Variants in ABI1 observed in about 807,000 individuals in gnomAD.
ABI1 encodes abl interactor 1.
A neutral mutation model predicts 54.6 loss-of-function variants in ABI1; 14 were observed. That is an observed-to-expected ratio of 0.26 (90% CI 0.17 to 0.40). The LOEUF is 0.40. Among genes scored for constraint, ABI1 ranks in the 10% least tolerant of loss-of-function variants. The pLI, the probability that ABI1 is intolerant of heterozygous loss-of-function variation, is 1.00. For synonymous variants in ABI1, 194 were observed against 209.3 expected, an observed-to-expected ratio of 0.93 and a Z score of 0.63; for missense variants, 443 against 598.3, an observed-to-expected ratio of 0.74 and a Z score of 2.71.
At chr10:26,751,529 T>A (rs753243560) in intron 10 of ABI1, 69 bp downstream of exon 10, 32 of 1,468,142 alleles carry the variant, frequency 2.2e-5, no homozygotes, top group Middle Eastern at 2.2e-4. Context: ...GGATTAGATG[T>A]TCTTTATAGT....
chr10:26,750,123 A>G (rs1214428792), intron 10 of ABI1, among the ~76,000 whole-genome samples: 1 of 152,262 alleles, frequency 6.6e-6, no homozygotes, highest in African/African-American at 2.4e-5. Flanking sequence ...CGTAAGTAAC[A>G]ACAGCTCTCT....
chr10:26,853,887 A>G (rs911119388), intron 1 of ABI1, among the ~76,000 whole-genome samples: 9 of 152,108 alleles, frequency 5.9e-5, no homozygotes, highest in Non-Finnish European at 8.8e-5. Context: ...GGTTTTATAG[A>G]TTTATATCTG....
intron 1 of ABI1, among the ~76,000 whole-genome samples, chr10:26,843,332 T>C (rs1263439102): frequency 6.7e-6 from 1 of 150,338 alleles, no homozygotes; most frequent in East Asian, 2.0e-4. Context: ...CATGCACCTG[T>C]AGTCCCAGAT....
intron 2 of ABI1, among the ~76,000 whole-genome samples, chr10:26,788,739 C>T (rs1170667132): frequency 6.6e-6 from 1 of 151,824 alleles, no homozygotes; most frequent in Non-Finnish European, 1.5e-5. Context: ...AGTGAAACCC[C>T]GTCTCTACTA....
At chr10:26,769,040 T>C (rs373580799) in intron 5 of ABI1, 48 bp from the exon 6 acceptor site, 52 of 1,431,620 alleles carry the variant, frequency 3.6e-5, no homozygotes, top group African/African-American at 7.3e-5. Flanking sequence ...AAAGATAAAA[T>C]TGTATTTTTC....
chr10:26,805,619 G>A (rs535356075), intron 2 of ABI1, among the ~76,000 whole-genome samples: 70 of 152,248 alleles, frequency 4.6e-4, no homozygotes, highest in African/African-American at 1.7e-3. Flanking sequence ...TCTCCAAAAA[G>A]CATATTGAAC....
At chr10:26,814,888 T>C (rs981348109) in intron 2 of ABI1, among the ~76,000 whole-genome samples, 1 of 152,202 alleles carries the variant, frequency 6.6e-6, no homozygotes, top group African/African-American at 2.4e-5. Flanking sequence ...GAATTGGAGA[T>C]GATTTTTGTT....
At chr10:26,765,381 A>G (rs2132649409) in intron 6 of ABI1, 63 bp from the exon 7 acceptor site, 1 of 1,212,476 alleles carries the variant, frequency 8.2e-7, no homozygotes, top group East Asian at 2.5e-5. Flanking sequence ...AAAAAACTGT[A>G]ATCACCCAAG....
chr10:26,773,215 C>CTTTTTTTTTTTTTTTTTTT (rs58739177), intron 3 of ABI1, among the ~76,000 whole-genome samples: 1,097 of 92,314 alleles, frequency 0.012, 221 homozygotes, highest in African/African-American at 0.033. Context: ...AATGCTAATT[C>CTTTTTTTTTTTTTTTTTTT]TTTTTTTTTT....
chr10:26,779,247 T>C (rs1204158149), intron 2 of ABI1, among the ~76,000 whole-genome samples: 1 of 152,196 alleles, frequency 6.6e-6, no homozygotes, highest in Non-Finnish European at 1.5e-5. Context: ...CCAAATTGTA[T>C]GGTCAACCAG....
intron 2 of ABI1, among the ~76,000 whole-genome samples, chr10:26,779,884 T>C (rs970356899): frequency 8.5e-5 from 13 of 152,114 alleles, no homozygotes; most frequent in Non-Finnish European, 1.5e-4. Flanking sequence ...CCTACTGTAC[T>C]AGATTGGGTT....
chr10:26,805,502 T>C (rs2046824448), intron 2 of ABI1, among the ~76,000 whole-genome samples: 1 of 151,754 alleles, frequency 6.6e-6, no homozygotes, highest in East Asian at 1.9e-4. Flanking sequence ...AACAAAGAAA[T>C]GGTTTCACCC....
chr10:26,757,134 G>A (rs1408530), intron 8 of ABI1, among the ~76,000 whole-genome samples: 23,145 of 152,048 alleles, frequency 0.15, 2,253 homozygotes, highest in African/African-American at 0.28. Context: ...GCTATGCTGT[G>A]AAGATACTAA....
intron 1 of ABI1, among the ~76,000 whole-genome samples, chr10:26,830,962 T>A (rs1450703602): frequency 6.6e-6 from 1 of 152,168 alleles, no homozygotes; most frequent in Non-Finnish European, 1.5e-5. Flanking sequence ...AGTGGCACGA[T>A]CATAGTTCAC....
At position 26,860,842 on chromosome 10, in the gene ABI1, G is replaced by C. The variant is rs2051255080; in HGVS notation, c.22C>G (p.Leu8Val). The part of the protein sequence containing the change: MAELQML[L>V]EEEIPSGKRA... ...TTGCCAGACGGGATCTCCTCCTCTA[G>C]TAACATCTGCAGCTCTGCCATTTTC... Residue 8 changes from leucine to valine, a missense_variant, in exon 1 of 11, where the codon CTA becomes GTA. Around this residue, in one of 2 missense-constraint regions of ABI1, gnomAD observed 394 missense variants for 484.8 expected, o/e 0.81. Transcript: ENST00000376140. The surrounding 1 kb of genome is among the most constrained non-coding windows in gnomAD (Gnocchi z 4.1). 6.2e-7 allele frequency: 1 copy of C among 1,614,008 alleles called. No homozygotes were observed. The highest frequency in any genetic ancestry group is 8.5e-7 in the Non-Finnish European group (1 of 1,180,010).
chr10:26,857,902 C>A (rs2050970167), intron 1 of ABI1, among the ~76,000 whole-genome samples: 1 of 150,906 alleles, frequency 6.6e-6, no homozygotes. Context: ...GTAGTAGAAT[C>A]TTTTCAGATG....
intron 2 of ABI1, among the ~76,000 whole-genome samples, chr10:26,789,829 G>A (rs1468941631): frequency 6.6e-6 from 1 of 152,158 alleles, no homozygotes; most frequent in Non-Finnish European, 1.5e-5. Flanking sequence ...CCCTCTATGT[G>A]TCCATATGTT....
At chr10:26,770,432 A>T in intron 4 of ABI1, 87 bp from the exon 5 acceptor site, 1 of 1,274,876 alleles carries the variant, frequency 7.8e-7, no homozygotes, top group South Asian at 1.2e-5. Flanking sequence ...TTTAAATATC[A>T]GAATGTGAAT....
In ABI1 at chr10:26,828,760, T is replaced by C. The variant is rs554174537; in HGVS notation, c.118-5455A>G. Among the ~76,000 whole-genome samples, 6 of 152,346 alleles carry C rather than the reference T, an allele frequency of 3.9e-5. No homozygotes were observed. In the South Asian group the frequency reaches 6.2e-4, roughly 16 times the overall value. On this transcript the variant is annotated intron_variant, in intron 1 of 10. Transcript: ENST00000376140. The stretch of plus-strand genomic sequence containing the variant: ...ACTGAAATTGTTTTTAGTCTCTTTA[T>C]TGCTGGTGTTAATACTGAAATTATT...
Sources: gnomAD v4.1 joint callset for allele counts (sites outside exome capture counted in the v4.1 genomes callset) on GRCh38, gnomAD v4.1.1 for gene constraint, gnomAD v4.1.1 regional missense constraint, Gnocchi (gnomAD v3.1) non-coding constraint, MANE v1.5 for transcripts, NCBI Gene and HGNC (gene_info 2026-07-23, HGNC 2026-07-21) for gene names.